Variants in RBFOX1 observed in about 807,000 individuals in gnomAD.
RBFOX1 encodes the protein RNA binding fox-1 homolog 1.
In RBFOX1, 8 loss-of-function variants were observed where a neutral mutation model predicts 57.7. The observed-to-expected ratio is 0.14, with a 90% CI of 0.08 to 0.25. RBFOX1 has a LOEUF of 0.25. Ranked by LOEUF, RBFOX1 falls within the 10% of genes least tolerant of loss-of-function variation. The pLI is 1.00. For missense variants in RBFOX1, 611 were observed against 548.5 expected, an observed-to-expected ratio of 1.11 and a Z score of -1.14; for synonymous variants, 326 against 222.4, an observed-to-expected ratio of 1.47 and a Z score of -4.15.
At chr16:5,261,649 A>T (rs1402650867) in intron 1 of RBFOX1, among the ~76,000 whole-genome samples, 5 of 148,058 alleles carry the variant, frequency 3.4e-5, no homozygotes. Context: ...TCCCGGGTTC[A>T]TGCCATTCTT....
At chr16:6,613,631 G>A (rs534794117) in intron 2 of RBFOX1, among the ~76,000 whole-genome samples, 112 of 152,270 alleles carry the variant, frequency 7.4e-4, no homozygotes, top group African/African-American at 2.6e-3. Flanking sequence ...GTTTTATTCA[G>A]TAGAATAAGC....
chr16:7,011,339 C>G (rs186880344), intron 3 of RBFOX1, among the ~76,000 whole-genome samples: 31 of 152,166 alleles, frequency 2.0e-4, no homozygotes, highest in African/African-American at 7.5e-4. Context: ...GCCCAGAAAG[C>G]TTAAGCAATT....
At chr16:5,411,359 G>A (rs2067017006) in intron 1 of RBFOX1, among the ~76,000 whole-genome samples, 1 of 152,192 alleles carries the variant, frequency 6.6e-6, no homozygotes, top group Non-Finnish European at 1.5e-5. Context: ...AATGGAGGAT[G>A]CTGAGCTGTT....
chr16:5,439,603 A>G (rs549922997), intron 1 of RBFOX1, among the ~76,000 whole-genome samples: 2 of 152,080 alleles, frequency 1.3e-5, no homozygotes, highest in South Asian at 4.2e-4. Flanking sequence ...CGTCTCTGAG[A>G]TTTTTGGTTT....
chr16:5,893,218 C>A (rs890343740), intron 4 of RBFOX1, among the ~76,000 whole-genome samples: 4 of 152,172 alleles, frequency 2.6e-5, no homozygotes, highest in Admixed American at 1.3e-4. Flanking sequence ...GCTTTGAATG[C>A]CCAACACATA....
chr16:5,839,450 C>G (rs531080205), intron 3 of RBFOX1, among the ~76,000 whole-genome samples: 1 of 152,142 alleles, frequency 6.6e-6, no homozygotes, highest in Non-Finnish European at 1.5e-5. Context: ...ATTATCTGGT[C>G]CTGATTCACC....
At chr16:5,765,800 G>C (rs2053756423) in intron 3 of RBFOX1, among the ~76,000 whole-genome samples, 2 of 152,208 alleles carry the variant, frequency 1.3e-5, no homozygotes, top group South Asian at 4.1e-4. Flanking sequence ...GCAAGTACAG[G>C]ATGCTCATCC....
chr16:7,143,952 T>A (rs531572057), intron 4 of RBFOX1, among the ~76,000 whole-genome samples: 65 of 152,300 alleles, frequency 4.3e-4, no homozygotes, highest in African/African-American at 1.5e-3. Context: ...GTTAGTTTTT[T>A]TTCTGAAAAC....
At chr16:6,859,367 C>G (rs928344419) in intron 3 of RBFOX1, among the ~76,000 whole-genome samples, 1 of 151,530 alleles carries the variant, frequency 6.6e-6, no homozygotes, top group Admixed American at 6.6e-5. Context: ...TCTCTGTTCT[C>G]CTCAAACAGA....
At chr16:7,240,358 C>G (rs1381235497) in intron 4 of RBFOX1, among the ~76,000 whole-genome samples, 1 of 152,164 alleles carries the variant, frequency 6.6e-6, no homozygotes, top group Non-Finnish European at 1.5e-5. Context: ...TATTAATGAT[C>G]TTCACTATGT....
chr16:6,076,343 C>G (rs1307743354), intron 1 of RBFOX1, among the ~76,000 whole-genome samples: 3 of 150,564 alleles, frequency 2.0e-5, no homozygotes, highest in Admixed American at 6.6e-5. Flanking sequence ...CGCACACACA[C>G]ACATACACAC....
chr16:6,241,984 C>G (rs574946614), intron 1 of RBFOX1, among the ~76,000 whole-genome samples: 1 of 152,170 alleles, frequency 6.6e-6, no homozygotes, highest in Admixed American at 6.5e-5. Context: ...TGTTGTGAAA[C>G]AGAAAAGAAC....
chr16:5,915,340 A>G (rs554475941), intron 4 of RBFOX1, among the ~76,000 whole-genome samples: 7 of 152,316 alleles, frequency 4.6e-5, no homozygotes, highest in Admixed American at 2.0e-4. Context: ...CATCCTTTCC[A>G]TATTTTGAGA....
At chr16:7,613,637 T>C (rs1016424578) in intron 10 of RBFOX1, among the ~76,000 whole-genome samples, 11 of 152,162 alleles carry the variant, frequency 7.2e-5, no homozygotes, top group South Asian at 2.1e-4. Context: ...ACCAAAGGTA[T>C]TGGTTTTCTG....
At position 6,351,376 on chromosome 16, in the gene RBFOX1, T is replaced by A. The variant is rs867210160; in HGVS notation, c.-64+34319T>A. ...TGTATATATATATATATATATATTTTTTTTTTTTTTTCTTGAGGCAGAGTT... is the reference window on the plus strand; with the variant it reads ...TGTATATATATATATATATATATTTATTTTTTTTTTTCTTGAGGCAGAGTT... On this transcript the variant is annotated intron_variant, in intron 2 of 15. Coordinates refer to ENST00000550418, the MANE Select transcript of RBFOX1 (RefSeq NM_018723.4). Among the ~76,000 whole-genome samples the A allele has an allele frequency of 5.4e-3, 516 of 95,934 alleles. 15 individuals are homozygous for A. In the East Asian group the frequency reaches 0.093, roughly 17 times the overall value. 62.9% of individuals were successfully genotyped at this position (95,934 alleles called of 152,430 possible). A position where few individuals can be genotyped will look rare whatever the true frequency, so the allele number is the denominator to read the frequency against.
chr16:5,432,574 T>TTGTTTTTTTTTTTTTTTTTTG (rs2067782999), intron 1 of RBFOX1, among the ~76,000 whole-genome samples: 1 of 112,854 alleles, frequency 8.9e-6, no homozygotes, highest in Non-Finnish European at 1.9e-5. Context: ...TTTTTTTTTT[T>TTGTTTTTTTTTTTTTTTTTTG]GGTTTTTCAC....
At chr16:7,144,016 T>A (rs866341044) in intron 4 of RBFOX1, among the ~76,000 whole-genome samples, 2 of 152,300 alleles carry the variant, frequency 1.3e-5, no homozygotes, top group Middle Eastern at 3.4e-3. Flanking sequence ...CATAGTTTGG[T>A]TCCTGTGTAG....
chr16:6,760,882 T>C (rs1251905476), intron 3 of RBFOX1, among the ~76,000 whole-genome samples: 2 of 152,080 alleles, frequency 1.3e-5, no homozygotes, highest in African/African-American at 4.8e-5. Context: ...CCCACCAGAA[T>C]TGGACTCTAA....
intron 10 of RBFOX1, among the ~76,000 whole-genome samples, chr16:7,618,121 G>C (rs1007519489): frequency 2.6e-4 from 39 of 152,138 alleles, no homozygotes; most frequent in African/African-American, 8.9e-4. Flanking sequence ...AGATTAGAGA[G>C]TACCTTCTAG....
Sources: gnomAD v4.1 joint callset for allele counts (sites outside exome capture counted in the v4.1 genomes callset) on GRCh38, gnomAD v4.1.1 for gene constraint, MANE v1.5 for transcripts, NCBI Gene and HGNC (gene_info 2026-07-23, HGNC 2026-07-21) for gene names.